The following PTPRK variants were observed in gnomAD, a reference collection of about 807,000 sequenced individuals.
The protein encoded by PTPRK is protein tyrosine phosphatase receptor type K.
A neutral mutation model predicts 178.0 loss-of-function variants in PTPRK; 75 were observed. The ratio of observed to expected loss-of-function variants is 0.42; its 90% CI spans 0.35 to 0.51. The LOEUF (loss-of-function observed/expected upper bound fraction) is 0.51, where lower values mean the gene tolerates loss of function less well. Among genes scored for constraint, PTPRK ranks in the 20% least tolerant of loss-of-function variants. PTPRK has a pLI of 0.02. For synonymous variants in PTPRK, 637 were observed against 620.6 expected (o/e 1.03, Z -0.39); for missense variants, 1,441 against 1,797.8 (o/e 0.80, Z 3.59).
At chr6:128,205,333 T>C (rs1161399277) in intron 6 of PTPRK, among the ~76,000 whole-genome samples, 7 of 151,890 alleles carry the variant, frequency 4.6e-5, no homozygotes, top group African/African-American at 7.3e-5. Flanking sequence ...ACCTAGGTGA[T>C]GGGACAATCT....
intron 1 of PTPRK, among the ~76,000 whole-genome samples, chr6:128,449,856 G>A (rs1847532093): frequency 6.6e-6 from 1 of 151,836 alleles, no homozygotes; most frequent in African/African-American, 2.4e-5. Flanking sequence ...AGCACTTTGG[G>A]AGGGCGAGGC....
intron 2 of PTPRK, among the ~76,000 whole-genome samples, chr6:128,393,331 C>A (rs371091845): frequency 6.6e-6 from 1 of 152,036 alleles, no homozygotes; most frequent in African/African-American, 2.4e-5. Context: ...CCTCGTGATC[C>A]GCCCGCCTCG....
At chr6:128,218,883 G>C in intron 6 of PTPRK, 39 bp downstream of exon 6, 1 of 1,485,310 alleles carries the variant, frequency 6.7e-7, no homozygotes, top group Non-Finnish European at 9.3e-7. Context: ...TTCTAATAAA[G>C]CCATGCAATT....
chr6:128,086,304 G>C (rs1785807491), intron 8 of PTPRK, among the ~76,000 whole-genome samples: 1 of 152,082 alleles, frequency 6.6e-6, no homozygotes, highest in African/African-American at 2.4e-5. Flanking sequence ...TAGCTTTGTA[G>C]TCTCAAAAAT....
At chr6:128,169,833 C>T (rs549008501) in intron 7 of PTPRK, among the ~76,000 whole-genome samples, 195 of 146,216 alleles carry the variant, frequency 1.3e-3, no homozygotes, top group Non-Finnish European at 2.1e-3. Context: ...TATTTTAAGG[C>T]CACTATTACA....
At chr6:128,512,450 A>G (rs1035175096) in intron 1 of PTPRK, among the ~76,000 whole-genome samples, 1 of 152,148 alleles carries the variant, frequency 6.6e-6, no homozygotes, top group Non-Finnish European at 1.5e-5. Context: ...CATTATGCCA[A>G]TATTTTCTGA....
At chr6:127,972,939 T>C (rs1249788136) in intron 29 of PTPRK, 83 bp downstream of exon 29, 4 of 1,371,638 alleles carry the variant, frequency 2.9e-6, no homozygotes, top group Non-Finnish European at 3.1e-6. Flanking sequence ...ATTCCCTATG[T>C]GTGTATGAAG....
At chr6:127,994,694 A>G (rs936688700) in intron 18 of PTPRK, among the ~76,000 whole-genome samples, 2 of 151,872 alleles carry the variant, frequency 1.3e-5, no homozygotes, top group East Asian at 1.9e-4. Context: ...TATGTATGTA[A>G]TCAAAATTTA....
chr6:128,477,011 T>G (rs931047343), intron 1 of PTPRK, among the ~76,000 whole-genome samples: 12 of 152,022 alleles, frequency 7.9e-5, no homozygotes, highest in African/African-American at 2.9e-4. Context: ...CAATAAAAAG[T>G]TAAAACGTGA....
At chr6:128,079,557 T>C (rs1446686259) in intron 10 of PTPRK, among the ~76,000 whole-genome samples, 1 of 151,958 alleles carries the variant, frequency 6.6e-6, no homozygotes, top group Non-Finnish European at 1.5e-5. Flanking sequence ...GGGACTAGGA[T>C]CTTGAGGGGG....
intron 1 of PTPRK, among the ~76,000 whole-genome samples, chr6:128,443,999 C>A (rs533282928): frequency 6.6e-6 from 1 of 152,076 alleles, no homozygotes; most frequent in South Asian, 2.1e-4. Context: ...ACTACAGGCA[C>A]GTGCCACCAC....
chr6:128,147,128 ATAT>A (rs1269415289), intron 7 of PTPRK, among the ~76,000 whole-genome samples: 5 of 152,286 alleles, frequency 3.3e-5, no homozygotes, highest in African/African-American at 1.2e-4. Context: ...TAAGTAGTAA[ATAT>A]TATTAGTTAC....
intron 1 of PTPRK, among the ~76,000 whole-genome samples, chr6:128,507,266 T>C (rs1479337484): frequency 2.0e-5 from 3 of 152,184 alleles, no homozygotes; most frequent in African/African-American, 7.2e-5. Flanking sequence ...TTTAAATTTC[T>C]ATTTTTGAAC....
chr6:128,434,019 G>C (rs2128395738), intron 1 of PTPRK, among the ~76,000 whole-genome samples: 1 of 151,446 alleles, frequency 6.6e-6, no homozygotes, highest in South Asian at 2.1e-4. Context: ...GCTAATACGA[G>C]ATAAGATAAT....
chr6:128,451,243 C>T (rs903419106), intron 1 of PTPRK, among the ~76,000 whole-genome samples: 5 of 152,114 alleles, frequency 3.3e-5, no homozygotes, highest in Admixed American at 1.3e-4. Context: ...TTGATATTTT[C>T]CAATTGACCA....
intron 11 of PTPRK, among the ~76,000 whole-genome samples, chr6:128,077,456 T>A (rs1784043078): frequency 6.6e-6 from 1 of 152,078 alleles, no homozygotes; most frequent in Non-Finnish European, 1.5e-5. Flanking sequence ...TGATTTGTAT[T>A]CTTTTGTCAA....
intron 7 of PTPRK, among the ~76,000 whole-genome samples, chr6:128,134,931 C>T (rs1583166262): frequency 6.6e-6 from 1 of 152,032 alleles, no homozygotes; most frequent in Non-Finnish European, 1.5e-5. Flanking sequence ...GACAAAGGTC[C>T]CTAGTAGAGG....
intron 7 of PTPRK, among the ~76,000 whole-genome samples, chr6:128,141,462 G>C (rs1795757205): frequency 6.6e-6 from 1 of 151,692 alleles, no homozygotes; most frequent in South Asian, 2.1e-4. Flanking sequence ...TATGTGAGGA[G>C]ATTTTAGAAT....
intron 22 of PTPRK, among the ~76,000 whole-genome samples, chr6:127,984,643 T>C (rs1775737527): frequency 6.6e-6 from 1 of 152,204 alleles, no homozygotes; most frequent in Non-Finnish European, 1.5e-5. Flanking sequence ...TTCTAAGTGC[T>C]TAGATAGGCT....
Sources: gnomAD v4.1 joint callset for allele counts (sites outside exome capture counted in the v4.1 genomes callset) on GRCh38, gnomAD v4.1.1 for gene constraint, MANE v1.5 for transcripts, NCBI Gene and HGNC (gene_info 2026-07-23, HGNC 2026-07-21) for gene names.